ADGRV1: variants seen among roughly 807,000 people sequenced by gnomAD.
ADGRV1 encodes the protein G-protein coupled receptor 98.
Under a neutral mutation model 596.2 loss-of-function variants are expected in ADGRV1, and 359 were observed. The ratio of observed to expected loss-of-function variants is 0.60; its 90% confidence interval spans 0.55 to 0.66. The LOEUF (loss-of-function observed/expected upper bound fraction) is 0.66. ADGRV1 is among the 30% of genes least tolerant of loss of function. The pLI, the probability that ADGRV1 is intolerant of heterozygous loss-of-function variation, is 0.00. For missense variants in ADGRV1, 7,274 were observed against 7,575.6 expected, an observed-to-expected ratio of 0.96 and a Z score of 1.48; for synonymous variants, 2,681 against 2,679.2, an observed-to-expected ratio of 1.00 and a Z score of -0.02.
chr5:90,665,654 T>G (rs61008196), intron 21 of ADGRV1, among the ~76,000 whole-genome samples: 2 of 146,608 alleles, frequency 1.4e-5, no homozygotes, highest in African/African-American at 2.5e-5. Flanking sequence ...GCCTTCTGCT[T>G]GCTTTTGAAT....
At chr5:90,954,027 G>C (rs1448895844) in intron 83 of ADGRV1, among the ~76,000 whole-genome samples, 1 of 151,892 alleles carries the variant, frequency 6.6e-6, no homozygotes, top group Admixed American at 6.6e-5. Context: ...GATTAAAAAG[G>C]ACTTTCTATA....
intron 85 of ADGRV1, among the ~76,000 whole-genome samples, chr5:91,019,268 A>G (rs907848824): frequency 1.3e-4 from 20 of 151,994 alleles, no homozygotes; most frequent in African/African-American, 4.6e-4. Flanking sequence ...CAGGGAATAA[A>G]TGTACTGGCA....
chr5:90,985,586 A>G, intron 85 of ADGRV1, 64 bp downstream of exon 85: 1 of 1,255,982 alleles, frequency 8.0e-7, no homozygotes, highest in Non-Finnish European at 1.2e-6. Flanking sequence ...TCGTTGCCAT[A>G]AGAGCTGTGA....
At chr5:90,926,224 T>C (rs1023672998) in intron 83 of ADGRV1, among the ~76,000 whole-genome samples, 18 of 152,170 alleles carry the variant, frequency 1.2e-4, no homozygotes, top group Admixed American at 2.0e-4. Context: ...TTCCTCCTTG[T>C]ACCTCTGGTA....
At chr5:90,840,476 G>C (rs1765329880) in intron 77 of ADGRV1, 102 bp from the exon 78 acceptor site, 4 of 964,758 alleles carry the variant, frequency 4.1e-6, no homozygotes, top group Non-Finnish European at 6.0e-6. Context: ...TTGCCCTTCA[G>C]TTTGTTTAAG....
At chr5:91,047,271 A>G (rs1463566614) in intron 85 of ADGRV1, among the ~76,000 whole-genome samples, 1 of 152,102 alleles carries the variant, frequency 6.6e-6, no homozygotes, top group Admixed American at 6.5e-5. Flanking sequence ...TTCTCTTTAC[A>G]TGTATGTATT....
At chr5:90,791,637 C>T (rs1387370057) in intron 70 of ADGRV1, 2 of 341,824 alleles carry the variant, frequency 5.9e-6, no homozygotes, top group African/African-American at 4.2e-5. Flanking sequence ...ACCTGCACAC[C>T]CATGGACATG....
chr5:91,109,663 T>C (rs1205684813), intron 87 of ADGRV1, among the ~76,000 whole-genome samples: 1 of 152,092 alleles, frequency 6.6e-6, no homozygotes, highest in Non-Finnish European at 1.5e-5. Context: ...TATTCCTAGA[T>C]AACAAAATCC....
chr5:90,644,617 T>C (rs1052578273), intron 14 of ADGRV1, 89 bp from the exon 15 acceptor site: 3 of 1,010,902 alleles, frequency 3.0e-6, no homozygotes, highest in South Asian at 1.5e-5. Flanking sequence ...GTGTTGTTTT[T>C]ATTTTTGTTT....
At chr5:90,634,103 T>C (rs1207044199) in intron 9 of ADGRV1, among the ~76,000 whole-genome samples, 1 of 152,340 alleles carries the variant, frequency 6.6e-6, no homozygotes, top group African/African-American at 2.4e-5. Flanking sequence ...CATTTTATTT[T>C]AATATTTAAA....
At chr5:91,076,708 A>G (rs1245757750) in intron 86 of ADGRV1, among the ~76,000 whole-genome samples, 1 of 152,114 alleles carries the variant, frequency 6.6e-6, no homozygotes, top group East Asian at 1.9e-4. Context: ...TTAAAGCTTT[A>G]CCTCTATAAT....
At chr5:90,713,528 A>T (rs963925465) in intron 42 of ADGRV1, among the ~76,000 whole-genome samples, 3 of 152,128 alleles carry the variant, frequency 2.0e-5, no homozygotes, top group African/African-American at 4.8e-5. Context: ...AAACACATAT[A>T]ATTTATTGGT....
chr5:90,757,490 C>T (rs1755961720), intron 57 of ADGRV1, among the ~76,000 whole-genome samples: 1 of 152,074 alleles, frequency 6.6e-6, no homozygotes, highest in Non-Finnish European at 1.5e-5. Flanking sequence ...TTCCTGTGGA[C>T]TTTAGTTTCT....
chr5:90,664,485 G>A (rs1454890251), intron 21 of ADGRV1, among the ~76,000 whole-genome samples: 1 of 149,562 alleles, frequency 6.7e-6, no homozygotes, highest in African/African-American at 2.5e-5. Flanking sequence ...CTTTGCTGAA[G>A]TTGCTTATCA....
chr5:91,106,510 G>A (rs972172910), intron 87 of ADGRV1, among the ~76,000 whole-genome samples: 1 of 152,172 alleles, frequency 6.6e-6, no homozygotes, highest in African/African-American at 2.4e-5. Context: ...TGAGAAGAAT[G>A]TCATTGGTAT....
intron 86 of ADGRV1, among the ~76,000 whole-genome samples, chr5:91,080,115 T>C (rs913563886): frequency 3.9e-5 from 6 of 152,198 alleles, no homozygotes; most frequent in Admixed American, 3.3e-4. Context: ...GTAACATACA[T>C]AGAATGTGTA....
At chr5:90,965,327 T>C (rs957795744) in intron 83 of ADGRV1, 88 bp from the exon 84 acceptor site, 1 of 812,844 alleles carries the variant, frequency 1.2e-6, no homozygotes, top group Non-Finnish European at 2.1e-6. Flanking sequence ...CACTGAGTCA[T>C]AGATTTAGAT....
chr5:90,615,544 A>G (rs1252005960), intron 2 of ADGRV1, among the ~76,000 whole-genome samples: 1 of 151,922 alleles, frequency 6.6e-6, no homozygotes, highest in Non-Finnish European at 1.5e-5. Context: ...GTGCATAAGT[A>G]TGTGTCTATT....
chr5:91,119,770 C>T (rs1422633844), intron 87 of ADGRV1, among the ~76,000 whole-genome samples: 1 of 152,178 alleles, frequency 6.6e-6, no homozygotes, highest in Non-Finnish European at 1.5e-5. Context: ...ATTGGCATGA[C>T]TTTGTATCTT....
Sources: gnomAD v4.1 joint callset for allele counts (sites outside exome capture counted in the v4.1 genomes callset) on GRCh38, gnomAD v4.1.1 for gene constraint, MANE v1.5 for transcripts, NCBI Gene and HGNC (gene_info 2026-07-23, HGNC 2026-07-21) for gene names.